CEP57: variants seen among roughly 807,000 people sequenced by gnomAD.
The protein encoded by CEP57 is centrosomal protein of 57 kDa.
A neutral mutation model predicts 68.0 loss-of-function variants in CEP57; 40 were observed. The observed-to-expected ratio is 0.59, with a 90% CI of 0.46 to 0.77. The LOEUF is 0.77. CEP57 is among the 30% of genes least tolerant of loss of function. CEP57 has a pLI of 0.00. For synonymous variants in CEP57, 219 were observed against 198.7 expected, an observed-to-expected ratio of 1.10 and a Z score of -0.86; for missense variants, 606 against 580.7, an observed-to-expected ratio of 1.04 and a Z score of -0.45.
Position 95,813,094 on chromosome 11 carries a change from A to G in CEP57, c.365A>G (p.Glu122Gly). Reference protein sequence around the residue: ...IQERENSKNEESKHNQELTSQ... With the variant: ...IQERENSKNEGSKHNQELTSQ... ...GAAAGGGAGAATTCAAAGAATGAGG[A>G]ATCAAAGCACAATCAAGGTTTGTTG... Residue 122 changes from glutamate (E) to glycine (G), a missense_variant, in exon 3 of 11, where the codon GAA (glutamate) becomes GGA (glycine). Physicochemically the swap from Glu to Gly is moderately conservative, Grantham distance 98. Coordinates refer to ENST00000325542, the MANE Select transcript of CEP57 (RefSeq NM_014679.5). 6.2e-7 allele frequency: 1 copy of G among 1,612,884 alleles called. No homozygotes were observed. The highest frequency in any genetic ancestry group is 1.1e-5 in the South Asian group (1 of 91,006).
chr11:95,792,922 T>A (rs200029060), intron 1 of CEP57, among the ~76,000 whole-genome samples: 18 of 146,830 alleles, frequency 1.2e-4, no homozygotes, highest in African/African-American at 2.0e-4. Flanking sequence ...AGGCAACATT[T>A]AAAAAAAAAA....
In CEP57 at chr11:95,830,863, G is replaced by A. The variant is rs1167396248; in HGVS notation, c.1273-163G>A. ...TTAATATTTAAGTGTTAAATGACTAGTGCAGTAGATTTTGAAGTCTTTAAA... is the reference window on the plus strand; with the variant it reads ...TTAATATTTAAGTGTTAAATGACTAATGCAGTAGATTTTGAAGTCTTTAAA... On this transcript the variant is annotated intron_variant, in intron 10 of 10. Coordinates refer to ENST00000325542, the MANE Select transcript of CEP57 (RefSeq NM_014679.5). 2.0e-5 allele frequency among the ~76,000 whole-genome samples: 3 copies of A among 151,342 alleles called. No individual in the cohort carries two copies. In the East Asian group the frequency reaches 5.8e-4, roughly 29 times the overall value.
intron 2 of CEP57, among the ~76,000 whole-genome samples, chr11:95,809,004 C>G (rs1310355146): frequency 6.6e-6 from 1 of 152,212 alleles, no homozygotes; most frequent in Non-Finnish European, 1.5e-5. Flanking sequence ...CAGACTGTCT[C>G]TCAGACCACA....
intron 2 of CEP57, among the ~76,000 whole-genome samples, chr11:95,806,192 C>T (rs1318589040): frequency 6.6e-6 from 1 of 152,122 alleles, no homozygotes. Context: ...TGTTCATTTT[C>T]TTTAAGTGCT....
chr11:95,825,343 A>G (rs1291867856), intron 8 of CEP57, among the ~76,000 whole-genome samples: 2 of 152,210 alleles, frequency 1.3e-5, no homozygotes, highest in East Asian at 1.9e-4. Flanking sequence ...TGACAAAGCC[A>G]ATCATGAAAA....
rs1863005113 is a variant in CEP57 at position 95,831,480 on chromosome 11, A to G, written c.*224A>G. 9.2e-6 allele frequency: 4 copies of G among 435,944 alleles called. No individual in the cohort carries two copies. The highest frequency in any genetic ancestry group is 4.0e-5 in the East Asian group (1 of 25,248). 27.0% of individuals were successfully genotyped at this position (435,944 alleles called of 1,614,324 possible). ...AGTTTTAAAGCCCGAGAAACCACAC[A>G]TAATCTTTTGTTGAGATGAGTTTGC... On this transcript the variant is annotated 3_prime_UTR_variant, in exon 11 of 11. Coordinates refer to ENST00000325542, the MANE Select transcript of CEP57 (RefSeq NM_014679.5).
intron 2 of CEP57, among the ~76,000 whole-genome samples, chr11:95,805,620 T>C (rs970964828): frequency 6.6e-6 from 1 of 152,206 alleles, no homozygotes; most frequent in Admixed American, 6.5e-5. Flanking sequence ...TAGTGTATAG[T>C]TTAAATTAGT....
chr11:95,806,413 C>T (rs866007225), intron 2 of CEP57, among the ~76,000 whole-genome samples: 17 of 152,174 alleles, frequency 1.1e-4, no homozygotes, highest in South Asian at 2.1e-4. Flanking sequence ...TGAGCCGAAG[C>T]AGGGCAGGGT....
intron 1 of CEP57, among the ~76,000 whole-genome samples, chr11:95,796,361 T>C (rs1372859980): frequency 2.0e-5 from 3 of 152,232 alleles, no homozygotes; most frequent in South Asian, 4.1e-4. Flanking sequence ...GGAATAATTT[T>C]TACTGAATGC....
intron 2 of CEP57, among the ~76,000 whole-genome samples, chr11:95,812,020 G>A (rs79950352): frequency 8.2e-4 from 125 of 152,092 alleles, no homozygotes; most frequent in African/African-American, 2.9e-3. Context: ...ATTATCTTTG[G>A]GTAATAGGAT....
Position 95,817,868 on chromosome 11 carries a change from T to G in CEP57, c.586T>G (p.Tyr196Asp). ...LEKLDLLEQE[Y>D]NKLTTMQALA... ...AAAATTGGATCTTCTTGAACAGGAG[T>G]ATAACAAACTTACCACAATGCAGGC... The change falls in exon 5 of 11, where the codon TAT becomes GAT. Residue 196 changes from tyrosine to aspartate, a missense_variant. Transcript: ENST00000325542. The G allele has an allele frequency of 1.2e-6, 2 of 1,613,286 alleles. No homozygotes were observed. Among genetic ancestry groups the G allele is most frequent in the Non-Finnish European group, 1.7e-6 (2 of 1,179,560 alleles).
chr11:95,825,482 T>C (rs1294134062), intron 8 of CEP57, among the ~76,000 whole-genome samples: 1 of 152,162 alleles, frequency 6.6e-6, no homozygotes, highest in African/African-American at 2.4e-5. Context: ...ATAAGAGTGC[T>C]TTCAAACCAG....
Position 95,831,136 on chromosome 11 carries a change from TAAGA to T in CEP57, c.1388_1391del (p.Lys463IlefsTer3), listed in dbSNP as rs764674056. The T allele has an allele frequency of 1.9e-6, 3 of 1,613,270 alleles. No homozygotes were observed. The highest frequency in any genetic ancestry group is 2.2e-5 in the South Asian group (2 of 90,980). On this transcript the variant is annotated frameshift_variant, in exon 11 of 11. Coordinates refer to ENST00000325542, the MANE Select transcript of CEP57 (RefSeq NM_014679.5). LOFTEE classifies it high-confidence loss of function. ...GTTCTGGAATCACAGGGACCACAAA[TAAGA>T]AAGATTTTATGAAACTGAGACCTGG...
At chr11:95,827,678 T>C (rs1018322860) in intron 8 of CEP57, 108 bp from the exon 9 acceptor site, 2 of 1,221,100 alleles carry the variant, frequency 1.6e-6, no homozygotes, top group Admixed American at 3.5e-5. Flanking sequence ...AGGATTTATA[T>C]ACTCTACTTT....
intron 1 of CEP57, among the ~76,000 whole-genome samples, chr11:95,798,540 T>C (rs1332264520): frequency 2.0e-5 from 3 of 152,220 alleles, no homozygotes; most frequent in South Asian, 4.1e-4. Flanking sequence ...CCTCAGCTTC[T>C]TAGTTACTTC....
intron 6 of CEP57, among the ~76,000 whole-genome samples, chr11:95,820,746 A>G (rs984174940): frequency 1.3e-5 from 2 of 152,168 alleles, no homozygotes; most frequent in Admixed American, 6.5e-5. Flanking sequence ...TACTCAAAAA[A>G]AAGTTCTTGT....
At chr11:95,821,726 G>A in intron 6 of CEP57, 145 bp from the exon 7 acceptor site, 1 of 643,262 alleles carries the variant, frequency 1.6e-6, no homozygotes, top group Non-Finnish European at 2.8e-6. Context: ...TGATAGATTG[G>A]TTCAAGACAT....
intron 2 of CEP57, among the ~76,000 whole-genome samples, chr11:95,807,428 A>T (rs1383287565): frequency 6.6e-6 from 1 of 152,226 alleles, no homozygotes. Flanking sequence ...TCTGAGCTAA[A>T]GGAAGATATT....
At chr11:95,798,878 G>A (rs1861456514) in intron 1 of CEP57, among the ~76,000 whole-genome samples, 1 of 152,124 alleles carries the variant, frequency 6.6e-6, no homozygotes, top group Admixed American at 6.5e-5. Flanking sequence ...ATTTGTAGCA[G>A]TTTCTGGTCC....
Sources: allele counts gnomAD v4.1 joint callset (sites outside exome capture counted in the v4.1 genomes callset), GRCh38; gene constraint gnomAD v4.1.1; transcripts MANE v1.5; gene names NCBI Gene and HGNC (gene_info 2026-07-23, HGNC 2026-07-21).